The following GRM7 variants were observed in gnomAD, a reference collection of about 807,000 sequenced individuals.
GRM7 encodes the protein metabotropic glutamate receptor 7.
A neutral mutation model predicts 84.5 loss-of-function variants in GRM7; 35 were observed. The ratio of observed to expected loss-of-function variants is 0.41; its 90% confidence interval spans 0.32 to 0.55. The LOEUF (loss-of-function observed/expected upper bound fraction) is 0.55. Ranked by LOEUF, GRM7 falls within the 20% of genes least tolerant of loss-of-function variation. The pLI, the probability that GRM7 is intolerant of heterozygous loss-of-function variation, is 0.19. For synonymous variants in GRM7, 487 were observed against 455.1 expected (o/e 1.07, Z -0.89); for missense variants, 1,003 against 1,194.6 (o/e 0.84, Z 2.36).
chr3:7,100,643 A>T (rs1699078465), intron 1 of GRM7, among the ~76,000 whole-genome samples: 1 of 151,788 alleles, frequency 6.6e-6, no homozygotes, highest in African/African-American at 2.4e-5. Context: ...AACTGAAGAA[A>T]AATTTACATA....
chr3:7,629,129 T>G (rs1697752765), intron 8 of GRM7, among the ~76,000 whole-genome samples: 1 of 152,192 alleles, frequency 6.6e-6, no homozygotes, highest in Admixed American at 6.5e-5. Flanking sequence ...ATGCATGGGC[T>G]TTGGGATAGC....
chr3:7,425,750 C>T (rs754515008), intron 5 of GRM7, among the ~76,000 whole-genome samples: 2 of 152,064 alleles, frequency 1.3e-5, no homozygotes, highest in Admixed American at 6.6e-5. Context: ...TAAATAGTTA[C>T]ATTTTAAAAT....
chr3:7,567,213 C>T (rs1318031015), intron 7 of GRM7, among the ~76,000 whole-genome samples: 2 of 152,124 alleles, frequency 1.3e-5, no homozygotes, highest in African/African-American at 4.8e-5. Context: ...TAGAGACCCT[C>T]CTGACTGTGA....
chr3:7,415,023 G>T lies in GRM7; in HGVS notation c.1034G>T (p.Gly345Val), dbSNP rs1161472438. Residue 345 changes from glycine (G) to valine (V), a missense_variant and splice_region_variant, in exon 5 of 10, where the codon GGG becomes GTG. Coordinates refer to ENST00000357716, the MANE Select transcript of GRM7 (RefSeq NM_000844.4). ...GACCTTTTCATTTAACTCTGTTTAG[G>T]GTTTGATGCCTACTTTACGTCCCGT... ...TIQPKRATVE[G>V]FDAYFTSRTL... is the part of the protein sequence containing the mutation. 2.5e-6 allele frequency: 4 copies of T among 1,611,106 alleles called. No homozygotes were observed. Among genetic ancestry groups the T allele is most frequent in the Non-Finnish European group, 1.7e-6 (2 of 1,178,070 alleles).
intron 7 of GRM7, among the ~76,000 whole-genome samples, chr3:7,462,511 T>C (rs1252542608): frequency 6.6e-6 from 1 of 152,260 alleles, no homozygotes; most frequent in East Asian, 1.9e-4. Context: ...AGAAAAATCC[T>C]TTAATGTCCT....
At chr3:7,378,016 G>A (rs1198223605) in intron 4 of GRM7, among the ~76,000 whole-genome samples, 1 of 152,078 alleles carries the variant, frequency 6.6e-6, no homozygotes, top group Non-Finnish European at 1.5e-5. Flanking sequence ...TCCCCCGCTA[G>A]GAAGTCTCCC....
chr3:6,990,402 CTG>C (rs1368350295), intron 1 of GRM7, among the ~76,000 whole-genome samples: 1 of 152,092 alleles, frequency 6.6e-6, no homozygotes, highest in East Asian at 1.9e-4. Flanking sequence ...TCTGTTAATA[CTG>C]GGTTGGGAGA....
At position 7,352,057 on chromosome 3, in the gene GRM7, C is replaced by CACACACACA. The variant is rs1277659188; in HGVS notation, c.1033+45405_1033+45406insACACACACA. Among the ~76,000 whole-genome samples the CACACACACA allele has an allele frequency of 1.6e-3, 221 of 136,950 alleles. 2 individuals are homozygous for CACACACACA. The highest frequency in any genetic ancestry group is 5.3e-3 in the African/African-American group (186 of 35,338). 89.8% of individuals were successfully genotyped at this position (136,950 alleles called of 152,430 possible). A position where few individuals can be genotyped will look rare whatever the true frequency, so the allele number is the denominator to read the frequency against. Reference sequence around the variant, plus strand: ...TCTCTCTCTCACACACACACACACACCACACACACACACACACACACACAC... The same window carrying CACACACACA: ...TCTCTCTCTCACACACACACACACACACACACACACACACACACACACACACACACACAC... On this transcript the variant is annotated intron_variant, in intron 4 of 9. Coordinates refer to ENST00000357716, the MANE Select transcript of GRM7 (RefSeq NM_000844.4).
At chr3:7,622,156 C>T (rs1697390859) in intron 8 of GRM7, among the ~76,000 whole-genome samples, 2 of 152,014 alleles carry the variant, frequency 1.3e-5, no homozygotes, top group Non-Finnish European at 2.9e-5. Flanking sequence ...AGCTGCAGAC[C>T]AGAGTTTGTA....
intron 1 of GRM7, among the ~76,000 whole-genome samples, chr3:6,919,794 A>G (rs1026771575): frequency 1.3e-5 from 2 of 152,318 alleles, no homozygotes; most frequent in African/African-American, 2.4e-5. Context: ...ATATTTAACC[A>G]TGGTAGGAAA....
chr3:7,170,689 T>C (rs1424485193), intron 2 of GRM7, among the ~76,000 whole-genome samples: 1 of 152,208 alleles, frequency 6.6e-6, no homozygotes, highest in Non-Finnish European at 1.5e-5. Flanking sequence ...ATGCAGGAGA[T>C]GTGTCCATTG....
intron 7 of GRM7, among the ~76,000 whole-genome samples, chr3:7,472,827 CA>C (rs1234783850): frequency 1.3e-5 from 2 of 152,330 alleles, no homozygotes; most frequent in African/African-American, 4.8e-5. Flanking sequence ...TAATGTTTTT[CA>C]ATCCCCCTAC....
chr3:7,491,084 C>A (rs1386568831), intron 7 of GRM7, among the ~76,000 whole-genome samples: 2 of 151,796 alleles, frequency 1.3e-5, no homozygotes, highest in Non-Finnish European at 2.9e-5. Flanking sequence ...AAAAACATTT[C>A]TATAATATAA....
intron 4 of GRM7, among the ~76,000 whole-genome samples, chr3:7,320,712 G>GTC (rs1700746218): frequency 6.6e-6 from 1 of 151,348 alleles, no homozygotes; most frequent in African/African-American, 2.4e-5. Flanking sequence ...GTGTGTGTGT[G>GTC]TGTGTGTGCA....
At chr3:7,701,518 T>C (rs162208) in intron 9 of GRM7, among the ~76,000 whole-genome samples, 11,912 of 152,086 alleles carry the variant, frequency 0.078, 527 homozygotes, top group South Asian at 0.14. Context: ...TTAGCCAGGA[T>C]GGTCTCGATC....
At chr3:7,394,061 C>T (rs764364337) in intron 4 of GRM7, among the ~76,000 whole-genome samples, 5 of 152,050 alleles carry the variant, frequency 3.3e-5, no homozygotes, top group Admixed American at 1.3e-4. Context: ...TATCATTCTT[C>T]GCATCTTAGA....
chr3:7,632,017 C>T (rs1470090604), intron 8 of GRM7, among the ~76,000 whole-genome samples: 1 of 152,140 alleles, frequency 6.6e-6, no homozygotes, highest in African/African-American at 2.4e-5. Flanking sequence ...TAAGGGAAGA[C>T]AACTGAATAT....
chr3:7,643,180 G>A (rs982963167), intron 8 of GRM7, among the ~76,000 whole-genome samples: 10 of 152,196 alleles, frequency 6.6e-5, no homozygotes, highest in African/African-American at 2.2e-4. Flanking sequence ...CACTGTCAGA[G>A]ACAGAAGCCT....
rs369509554 is a variant in GRM7 at position 7,188,084 on chromosome 3, G to A, written c.736+41416G>A. 6.6e-6 allele frequency among the ~76,000 whole-genome samples: 1 copy of A among 152,064 alleles called. No homozygotes were observed. The highest frequency in any genetic ancestry group is 2.4e-5 in the African/African-American group (1 of 41,358). The stretch of plus-strand genomic sequence containing the variant: ...AGTTTAATAGAGGAGGAATGATGTG[G>A]GGTGGGTATTGGCTATTATACTTAG... On this transcript the variant is annotated intron_variant, in intron 2 of 9. Transcript: ENST00000357716. This position sits in a 1 kb window ranked among gnomAD's most constrained non-coding sequence, Gnocchi z 4.2.
Sources: allele counts gnomAD v4.1 joint callset (sites outside exome capture counted in the v4.1 genomes callset), GRCh38; gene constraint gnomAD v4.1.1; non-coding constraint Gnocchi (gnomAD v3.1); transcripts MANE v1.5; gene names NCBI Gene and HGNC (gene_info 2026-07-23, HGNC 2026-07-21).